The following KALRN variants were observed in gnomAD, a reference collection of about 807,000 sequenced individuals.
The protein encoded by KALRN is kalirin RhoGEF kinase.
Under a neutral mutation model 353.7 loss-of-function variants are expected in KALRN, and 70 were observed. The observed-to-expected ratio is 0.20, with a 90% CI of 0.16 to 0.24. The LOEUF is 0.24. KALRN is among the 10% of genes least tolerant of loss of function. The probability of loss-of-function intolerance (pLI) is 1.00; values close to 1 mark genes in which losing one functional copy is unlikely to be tolerated. For synonymous variants in KALRN, 1,391 were observed against 1,434.8 expected (o/e 0.97, Z 0.69); for missense variants, 2,791 against 3,756.7 (o/e 0.74, Z 6.72).
At chr3:124,704,919 C>T (rs2062526469) in intron 57 of KALRN, among the ~76,000 whole-genome samples, 1 of 152,182 alleles carries the variant, frequency 6.6e-6, no homozygotes, top group African/African-American at 2.4e-5. Flanking sequence ...AGAAGTCAAT[C>T]GACTTGCTTC....
intron 1 of KALRN, among the ~76,000 whole-genome samples, chr3:124,112,918 A>G (rs2063121582): frequency 6.6e-6 from 1 of 152,176 alleles, no homozygotes; most frequent in Non-Finnish European, 1.5e-5. Flanking sequence ...CATGTACTAC[A>G]TAACTGCATG....
intron 6 of KALRN, among the ~76,000 whole-genome samples, chr3:124,303,853 G>GA (rs952017360): frequency 2.2e-4 from 34 of 151,700 alleles, no homozygotes; most frequent in Non-Finnish European, 3.5e-4. Flanking sequence ...ACCAGTTGCA[G>GA]AAAAAAAACT....
chr3:124,598,759 C>G (rs888974159), intron 34 of KALRN, among the ~76,000 whole-genome samples: 9 of 152,208 alleles, frequency 5.9e-5, no homozygotes, highest in African/African-American at 1.9e-4. Context: ...TCACTGCAAC[C>G]TCCGCATCCC....
At chr3:124,232,985 T>G (rs1366301591) in intron 2 of KALRN, among the ~76,000 whole-genome samples, 1 of 151,902 alleles carries the variant, frequency 6.6e-6, no homozygotes, top group East Asian at 2.0e-4. Flanking sequence ...GTTTGGAAAG[T>G]AGAGGAAAGA....
At chr3:124,476,546 C>A (rs1302686637) in intron 26 of KALRN, among the ~76,000 whole-genome samples, 1 of 152,120 alleles carries the variant, frequency 6.6e-6, no homozygotes, top group Non-Finnish European at 1.5e-5. Context: ...GGTAGCATTT[C>A]ACCAAATAAG....
chr3:124,106,093 T>A (rs1346066481), intron 1 of KALRN, among the ~76,000 whole-genome samples: 1 of 152,054 alleles, frequency 6.6e-6, no homozygotes, highest in Non-Finnish European at 1.5e-5. Flanking sequence ...TAACAGCTTG[T>A]GATAAGTGCT....
At chr3:124,651,026 C>T (rs1439270761) in intron 38 of KALRN, 88 bp downstream of exon 38, 1 of 1,494,574 alleles carries the variant, frequency 6.7e-7, no homozygotes, top group Non-Finnish European at 9.2e-7. Context: ...GAGAGGGGTT[C>T]CCCACGCTGT....
chr3:124,561,818 A>G (rs2072051282), intron 33 of KALRN, among the ~76,000 whole-genome samples: 1 of 151,872 alleles, frequency 6.6e-6, no homozygotes, highest in Non-Finnish European at 1.5e-5. Flanking sequence ...CCTACCTGTC[A>G]CTCTGCCTCT....
At chr3:124,376,136 T>C (rs1445971380) in intron 10 of KALRN, among the ~76,000 whole-genome samples, 1 of 152,224 alleles carries the variant, frequency 6.6e-6, no homozygotes, top group African/African-American at 2.4e-5. Context: ...ATAAAGTTGG[T>C]GTTTAAGTCC....
intron 15 of KALRN, among the ~76,000 whole-genome samples, chr3:124,428,983 C>A (rs1398137490): frequency 6.6e-6 from 1 of 152,178 alleles, no homozygotes; most frequent in Non-Finnish European, 1.5e-5. Flanking sequence ...TGAATCATGG[C>A]AGAGGGACAC....
chr3:124,232,667 T>C (rs2079299502), intron 2 of KALRN, among the ~76,000 whole-genome samples: 1 of 152,136 alleles, frequency 6.6e-6, no homozygotes, highest in Non-Finnish European at 1.5e-5. Context: ...GAATACCACA[T>C]GGCTTGATCC....
At chr3:124,454,281 G>A (rs144915851) in intron 21 of KALRN, among the ~76,000 whole-genome samples, 111 of 152,278 alleles carry the variant, frequency 7.3e-4, no homozygotes, top group African/African-American at 2.4e-3. Context: ...AGGAACTAAA[G>A]GGCAGAGACA....
chr3:124,468,854 A>G (rs1001578193), intron 25 of KALRN, among the ~76,000 whole-genome samples: 3 of 152,240 alleles, frequency 2.0e-5, no homozygotes, highest in African/African-American at 7.2e-5. Flanking sequence ...GAGGAGCCCT[A>G]TACAAATGTA....
chr3:124,148,705 A>G (rs1476652461), intron 1 of KALRN, among the ~76,000 whole-genome samples: 1 of 152,148 alleles, frequency 6.6e-6, no homozygotes, highest in East Asian at 1.9e-4. Context: ...AGTTAATCAG[A>G]TTACTTTCAG....
Position 124,482,831 on chromosome 3 carries a change from G to T in KALRN, c.4215G>T (p.Leu1405=). 6.2e-7 allele frequency: 1 copy of T among 1,613,202 alleles called. No individual in the cohort carries two copies. Among genetic ancestry groups the T allele is most frequent in the East Asian group, 2.2e-5 (1 of 44,868 alleles). The change falls in exon 28 of 60, where the codon CTG becomes CTT. Residue 1405 remains leucine (L), a synonymous_variant. Transcript: ENST00000682506. ...FFDEIQQRHG[L]ANSISSYLIK... ...AGGAGATACAACAGCGGCATGGTCTGGCCAACTCCATCTCTTCCTACCTAA... is the reference window on the plus strand; with the variant it reads ...AGGAGATACAACAGCGGCATGGTCTTGCCAACTCCATCTCTTCCTACCTAA...
At chr3:124,618,288 T>C (rs2078867502) in intron 34 of KALRN, among the ~76,000 whole-genome samples, 1 of 151,078 alleles carries the variant, frequency 6.6e-6, no homozygotes, top group Non-Finnish European at 1.5e-5. Context: ...TTTTTTTTTT[T>C]GTATTTTTAG....
At chr3:124,267,122 G>C (rs1441464522) in intron 4 of KALRN, among the ~76,000 whole-genome samples, 1 of 152,170 alleles carries the variant, frequency 6.6e-6, no homozygotes, top group Non-Finnish European at 1.5e-5. Flanking sequence ...TTAATACTTA[G>C]TGCAGACTGG....
At chr3:124,444,467 A>G (rs568513784) in intron 19 of KALRN, among the ~76,000 whole-genome samples, 1 of 152,324 alleles carries the variant, frequency 6.6e-6, no homozygotes, top group South Asian at 2.1e-4. Context: ...AAAAAGTTAC[A>G]TGATAAAGGC....
chr3:124,630,793 A>G (rs1319260165), intron 34 of KALRN, among the ~76,000 whole-genome samples: 1 of 152,216 alleles, frequency 6.6e-6, no homozygotes, highest in Non-Finnish European at 1.5e-5. Context: ...TAGTCAATAT[A>G]TGGCATACAG....
Sources: allele counts gnomAD v4.1 joint callset (sites outside exome capture counted in the v4.1 genomes callset), GRCh38; gene constraint gnomAD v4.1.1; transcripts MANE v1.5; gene names NCBI Gene and HGNC (gene_info 2026-07-23, HGNC 2026-07-21).